Variants in NFIL3 observed in about 807,000 individuals in gnomAD.
NFIL3 encodes nuclear factor, interleukin 3 regulated, also known as nuclear factor interleukin-3-regulated protein.
Under a neutral mutation model 10.0 loss-of-function variants are expected in NFIL3, and 5 were observed. The ratio of observed to expected loss-of-function variants is 0.50; its 90% CI spans 0.26 to 1.06. The LOEUF is 1.06. Ranked by LOEUF, NFIL3 falls within the 50% of genes least tolerant of loss-of-function variation. The probability of loss-of-function intolerance (pLI) is 0.13; values close to 1 mark genes in which losing one functional copy is unlikely to be tolerated. For missense variants in NFIL3, 436 were observed against 547.6 expected (o/e 0.80, Z 2.03); for synonymous variants, 202 against 206.5 (o/e 0.98, Z 0.19).
the NFIL3 span, among the ~76,000 whole-genome samples, chr9:91,476,704 C>A: frequency 6.6e-6 from 1 of 152,178 alleles, no homozygotes; most frequent in Non-Finnish European, 1.5e-5. Context: ...GTGATGGTAG[C>A]TGAAAAGGCA....
chr9:91,413,255 C>CTT (rs5899127), intron 1 of NFIL3, among the ~76,000 whole-genome samples: 1 of 146,496 alleles, frequency 6.8e-6, no homozygotes, highest in Non-Finnish European at 1.5e-5. Flanking sequence ...ATATTATTTC[C>CTT]TTTTTTTTTT....
the NFIL3 span, among the ~76,000 whole-genome samples, chr9:91,435,754 T>C: frequency 1.5e-4 from 23 of 152,338 alleles, no homozygotes; most frequent in Non-Finnish European, 3.2e-4. Context: ...GTGAACAGTT[T>C]ATTCCATGTG....
At chr9:91,481,222 A>C in the NFIL3 span, among the ~76,000 whole-genome samples, 1 of 152,216 alleles carries the variant, frequency 6.6e-6, no homozygotes, top group Non-Finnish European at 1.5e-5. Context: ...TCATTACAGA[A>C]TTAATTTGAG....
chr9:91,430,541 CTG>C, the NFIL3 span, among the ~76,000 whole-genome samples: 1 of 152,192 alleles, frequency 6.6e-6, no homozygotes, highest in Non-Finnish European at 1.5e-5. Context: ...AAAGACCAGA[CTG>C]TGTACCAAGA....
chr9:91,415,661 CTT>C (rs1457389787), intron 1 of NFIL3, among the ~76,000 whole-genome samples: 30 of 145,650 alleles, frequency 2.1e-4, no homozygotes, highest in Admixed American at 6.9e-5. Context: ...GAGTTTTGCT[CTT>C]GTTGCCCAGG....
chr9:91,410,612 T>G lies in NFIL3; in HGVS notation c.123A>C (p.Thr41=). The G allele has an allele frequency of 6.2e-7, 1 of 1,614,242 alleles. No homozygotes were observed. Among genetic ancestry groups the G allele is most frequent in the Non-Finnish European group, 8.5e-7 (1 of 1,180,046 alleles). The change falls in exon 2 of 2, where the codon ACA becomes ACC. Residue 41 remains threonine (T), a synonymous_variant. Coordinates refer to ENST00000297689, the MANE Select transcript of NFIL3 (RefSeq NM_005384.3). This position sits in a 1 kb window ranked among gnomAD's most constrained non-coding sequence, Gnocchi z 5.7. ...ALTEVSEDST[T]GEELLLSEGS... is the part of the protein sequence containing the mutation. ...CTTCACTGAGAAGCAGCTCCTCACCTGTTGTGGAGTCTTCTGACACTTCCG... is the reference window on the plus strand; with the variant it reads ...CTTCACTGAGAAGCAGCTCCTCACCGGTTGTGGAGTCTTCTGACACTTCCG...
chr9:91,468,871 G>A, the NFIL3 span, among the ~76,000 whole-genome samples: 1 of 152,102 alleles, frequency 6.6e-6, no homozygotes, highest in Admixed American at 6.5e-5. Flanking sequence ...TGTTTCTGAG[G>A]CCTCTGTTCT....
chr9:91,471,432 T>G, the NFIL3 span, among the ~76,000 whole-genome samples: 1 of 151,778 alleles, frequency 6.6e-6, no homozygotes. Context: ...ATGGGTCTCC[T>G]GAATACAGCA....
At chr9:91,482,854 T>C in the NFIL3 span, among the ~76,000 whole-genome samples, 1 of 152,046 alleles carries the variant, frequency 6.6e-6, no homozygotes, top group East Asian at 1.9e-4. Context: ...TAGAGTATGG[T>C]GAAGAACTTC....
the NFIL3 span, among the ~76,000 whole-genome samples, chr9:91,435,417 C>T: frequency 6.6e-6 from 1 of 152,138 alleles, no homozygotes; most frequent in African/African-American, 2.4e-5. Flanking sequence ...ATCCAGAATA[C>T]CAGTTGCAAG....
At chr9:91,440,271 CTT>C in the NFIL3 span, among the ~76,000 whole-genome samples, 11 of 152,170 alleles carry the variant, frequency 7.2e-5, no homozygotes, top group South Asian at 2.3e-3. Context: ...TAATCCAACT[CTT>C]AAGTCATCCA....
At chr9:91,440,687 T>C in the NFIL3 span, among the ~76,000 whole-genome samples, 374 of 152,202 alleles carry the variant, frequency 2.5e-3, 2 homozygotes, top group African/African-American at 8.6e-3. Flanking sequence ...ATCCCATAGG[T>C]TTTAGTATGT....
chr9:91,425,693 G>A (rs556700682), upstream of NFIL3, among the ~76,000 whole-genome samples: 64 of 152,242 alleles, frequency 4.2e-4, no homozygotes, highest in African/African-American at 1.5e-3. Context: ...GTCCAGGTTG[G>A]CCTGGAACTC....
chr9:91,469,756 G>A, the NFIL3 span, among the ~76,000 whole-genome samples: 2 of 152,142 alleles, frequency 1.3e-5, no homozygotes, highest in African/African-American at 2.4e-5. Flanking sequence ...GTTGAATTTA[G>A]TCAAAGGCCT....
the NFIL3 span, among the ~76,000 whole-genome samples, chr9:91,429,086 C>CA: frequency 3.9e-5 from 6 of 152,274 alleles, no homozygotes; most frequent in African/African-American, 1.4e-4. Context: ...TATGTTCTAA[C>CA]AAAAATCATT....
At chr9:91,443,404 A>AGGCTTG in the NFIL3 span, among the ~76,000 whole-genome samples, 1 of 152,224 alleles carries the variant, frequency 6.6e-6, no homozygotes, top group Non-Finnish European at 1.5e-5. Flanking sequence ...GCCTCCTGCC[A>AGGCTTG]CCAATCATGT....
chr9:91,481,844 T>G, the NFIL3 span, among the ~76,000 whole-genome samples: 1 of 152,080 alleles, frequency 6.6e-6, no homozygotes, highest in African/African-American at 2.4e-5. Context: ...TGCGAAATAG[T>G]CATAAAATAT....
chr9:91,454,953 G>A, the NFIL3 span, among the ~76,000 whole-genome samples: 1 of 152,204 alleles, frequency 6.6e-6, no homozygotes, highest in Non-Finnish European at 1.5e-5. Flanking sequence ...TCTACTATGT[G>A]TTAAATGTTA....
At chr9:91,474,709 G>A in the NFIL3 span, among the ~76,000 whole-genome samples, 1 of 152,168 alleles carries the variant, frequency 6.6e-6, no homozygotes, top group African/African-American at 2.4e-5. Context: ...AAGGGGTTAG[G>A]TGAGGTGGAA....
Sources: gnomAD v4.1 joint callset for allele counts (sites outside exome capture counted in the v4.1 genomes callset) on GRCh38, gnomAD v4.1.1 for gene constraint, Gnocchi (gnomAD v3.1) non-coding constraint, MANE v1.5 for transcripts, NCBI Gene and HGNC (gene_info 2026-07-23, HGNC 2026-07-21) for gene names.